The following ABCC1 variants were observed in gnomAD, a reference collection of about 807,000 sequenced individuals.
ABCC1 encodes multidrug resistance-associated protein 1.
Under a neutral mutation model 172.9 loss-of-function variants are expected in ABCC1, and 83 were observed. That is an observed-to-expected ratio of 0.48 (90% confidence interval 0.40 to 0.58). ABCC1 has a LOEUF of 0.58. Ranked by LOEUF, ABCC1 falls within the 20% of genes least tolerant of loss-of-function variation. The probability of loss-of-function intolerance (pLI) is 0.00; values close to 1 mark genes in which losing one functional copy is unlikely to be tolerated. For missense variants in ABCC1, 1,817 were observed against 2,002.7 expected (o/e 0.91, Z 1.77); for synonymous variants, 937 against 825.2 (o/e 1.14, Z -2.32).
chr16:16,083,562 T>C lies in ABCC1; in HGVS notation c.2292+20T>C, dbSNP rs760341190. On this transcript the variant is annotated intron_variant, in intron 17 of 30. Coordinates refer to ENST00000399410, the MANE Select transcript of ABCC1 (RefSeq NM_004996.4). The stretch of plus-strand genomic sequence containing the variant: ...GAGAAGGTCAGTATAGGTTGGATGT[T>C]GGCCCCTGAATCAGTCAGCTGTTGC... The C allele has an allele frequency of 1.3e-6, 2 of 1,595,656 alleles. No homozygotes were observed. Among genetic ancestry groups the C allele is most frequent in the East Asian group, 4.5e-5 (2 of 44,344 alleles).
intron 21 of ABCC1, among the ~76,000 whole-genome samples, chr16:16,107,818 T>G (rs947846209): frequency 3.9e-5 from 6 of 152,080 alleles, no homozygotes; most frequent in African/African-American, 1.4e-4. Context: ...AATGTGGTTT[T>G]TTTTGTTTTT....
intron 24 of ABCC1, 56 bp from the exon 25 acceptor site, chr16:16,124,733 A>T: frequency 6.2e-7 from 1 of 1,611,492 alleles, no homozygotes; most frequent in South Asian, 1.1e-5. Flanking sequence ...GCTGTAAGCC[A>T]AGTCTCTGTA....
rs563195941 is a variant in ABCC1 at position 15,965,931 on chromosome 16, T to A, written c.48+16132T>A. On this transcript the variant is annotated intron_variant, in intron 1 of 30. Transcript: ENST00000399410. The stretch of plus-strand genomic sequence containing the variant: ...AGAAAACACTGTCCTGAATACCACA[T>A]GGGTAGAGTGCGTATTGGCTTATTT... 2.9e-4 allele frequency among the ~76,000 whole-genome samples: 44 copies of A among 152,248 alleles called. 1 individual carries two copies. The South Asian group carries it at 8.9e-3, about 31-fold the overall frequency.
chr16:15,968,327 G>T (rs1369099625), intron 1 of ABCC1, among the ~76,000 whole-genome samples: 1 of 151,562 alleles, frequency 6.6e-6, no homozygotes, highest in Non-Finnish European at 1.5e-5. Flanking sequence ...AGCCACCATG[G>T]CCAGCCTCTT....
chr16:15,988,434 T>C lies in ABCC1; in HGVS notation c.49-19382T>C, dbSNP rs557778281. On this transcript the variant is annotated intron_variant, in intron 1 of 30. Transcript: ENST00000399410. ...GTAAATGGATGAATGCTGTCTGTCCTGTTACTGCAGTGTCCCCAGACATAT... is the reference window on the plus strand; with the variant it reads ...GTAAATGGATGAATGCTGTCTGTCCCGTTACTGCAGTGTCCCCAGACATAT... 2.1e-3 allele frequency among the ~76,000 whole-genome samples: 326 copies of C among 152,302 alleles called. 2 individuals are homozygous for C. The highest frequency in any genetic ancestry group is 6.8e-3 in the African/African-American group (283 of 41,566).
chr16:15,970,006 C>T (rs758445442), intron 1 of ABCC1, among the ~76,000 whole-genome samples: 33 of 152,100 alleles, frequency 2.2e-4, no homozygotes, highest in Non-Finnish European at 3.2e-4. Context: ...AGGGGAGCTG[C>T]GTGGTGCCCG....
chr16:16,047,278 T>C lies in ABCC1; in HGVS notation c.1219-864T>C, dbSNP rs367702719. On this transcript the variant is annotated intron_variant, in intron 9 of 30. Coordinates refer to ENST00000399410, the MANE Select transcript of ABCC1 (RefSeq NM_004996.4). ...TTGCTGTGGTGGCACCCAGGTGTCATTGTTTTTGTTTTTTATTTATTTTTA... is the reference window on the plus strand; with the variant it reads ...TTGCTGTGGTGGCACCCAGGTGTCACTGTTTTTGTTTTTTATTTATTTTTA... 5.9e-4 allele frequency among the ~76,000 whole-genome samples: 89 copies of C among 151,928 alleles called. 3 individuals are homozygous for C. The South Asian group carries it at 0.019, about 32-fold the overall frequency.
chr16:15,977,268 G>A (rs1379168734), intron 1 of ABCC1, among the ~76,000 whole-genome samples: 1 of 152,204 alleles, frequency 6.6e-6, no homozygotes, highest in African/African-American at 2.4e-5. Flanking sequence ...AAGTCTGGGT[G>A]ATGCAGCATT....
At chr16:16,113,930 A>G (rs913636033) in intron 22 of ABCC1, among the ~76,000 whole-genome samples, 1 of 152,134 alleles carries the variant, frequency 6.6e-6, no homozygotes, top group African/African-American at 2.4e-5. Flanking sequence ...TCGCACTGCT[A>G]GGAGGATCTA....
chr16:16,002,379 AG>A (rs961701161), intron 1 of ABCC1, among the ~76,000 whole-genome samples: 1 of 152,206 alleles, frequency 6.6e-6, no homozygotes, highest in African/African-American at 2.4e-5. Flanking sequence ...AGAGGAACTG[AG>A]GGGAGGGCCA....
chr16:15,983,656 A>C (rs2046680006), intron 1 of ABCC1, among the ~76,000 whole-genome samples: 1 of 149,954 alleles, frequency 6.7e-6, no homozygotes, highest in African/African-American at 2.5e-5. Context: ...CCCAGGTTCA[A>C]GCAATCCTCC....
At chr16:16,124,687 C>T in intron 24 of ABCC1, 102 bp from the exon 25 acceptor site, 1 of 1,531,476 alleles carries the variant, frequency 6.5e-7, no homozygotes, top group Non-Finnish European at 8.9e-7. Context: ...TGCGGAGTTA[C>T]TTGAGTTAGC....
At chr16:15,953,895 G>A (rs2151477744) in intron 1 of ABCC1, among the ~76,000 whole-genome samples, 1 of 152,062 alleles carries the variant, frequency 6.6e-6, no homozygotes, top group African/African-American at 2.4e-5. Context: ...CTTCCCCTTG[G>A]CTCAACAGCA....
chr16:16,132,451 G>C (rs2045722714), intron 27 of ABCC1, among the ~76,000 whole-genome samples: 1 of 150,830 alleles, frequency 6.6e-6, no homozygotes, highest in South Asian at 2.1e-4. Flanking sequence ...TGGGATTACA[G>C]GAATCAGCCA....
At position 16,026,464 on chromosome 16, in the gene ABCC1, C is replaced by CT. The variant is rs1491397616; in HGVS notation, c.616-6645_616-6644insT. Among the ~76,000 whole-genome samples, 66 of 102,296 alleles carry CT rather than the reference C, an allele frequency of 6.5e-4. 5 individuals are homozygous for CT. The highest frequency in any genetic ancestry group is 8.1e-4 in the Non-Finnish European group (43 of 52,798). 67.1% of individuals were successfully genotyped at this position (102,296 alleles called of 152,430 possible). On this transcript the variant is annotated intron_variant, in intron 5 of 30. Coordinates refer to ENST00000399410, the MANE Select transcript of ABCC1 (RefSeq NM_004996.4). ...AAAAAAAAAAAAAAAAAGGCTATTT[C>CT]CTTTTTTTTTTTTTTTTTTTTTTTG...
intron 1 of ABCC1, among the ~76,000 whole-genome samples, chr16:15,953,637 A>G (rs1474118397): frequency 6.6e-6 from 1 of 152,120 alleles, no homozygotes; most frequent in Non-Finnish European, 1.5e-5. Flanking sequence ...TTCTCCAGTT[A>G]ATTTTTGCTG....
At chr16:16,026,446 A>G (rs1179094139) in intron 5 of ABCC1, among the ~76,000 whole-genome samples, 5 of 146,252 alleles carry the variant, frequency 3.4e-5, no homozygotes, top group African/African-American at 1.3e-4. Context: ...AAAAAAAAAA[A>G]AAAAAAAAAG....
At chr16:15,992,221 A>G (rs2046891099) in intron 1 of ABCC1, among the ~76,000 whole-genome samples, 1 of 150,618 alleles carries the variant, frequency 6.6e-6, no homozygotes, top group Non-Finnish European at 1.5e-5. Context: ...GCAGGAAAAC[A>G]AACTCAGGGC....
chr16:16,121,217 T>A (rs1289572767), intron 23 of ABCC1, among the ~76,000 whole-genome samples: 1 of 152,168 alleles, frequency 6.6e-6, no homozygotes, highest in African/African-American at 2.4e-5. Flanking sequence ...TAATAATATT[T>A]TATTTTTGTA....
Sources: allele counts gnomAD v4.1 joint callset (sites outside exome capture counted in the v4.1 genomes callset), GRCh38; gene constraint gnomAD v4.1.1; transcripts MANE v1.5; gene names NCBI Gene and HGNC (gene_info 2026-07-23, HGNC 2026-07-21).